The following PABPN1L variants were observed in gnomAD, a reference collection of about 807,000 sequenced individuals.
The protein encoded by PABPN1L is embryonic polyadenylate-binding protein 2.
In PABPN1L, 45 loss-of-function variants were observed where a neutral mutation model predicts 34.0. The ratio of observed to expected loss-of-function variants is 1.32; its 90% CI spans 1.04 to 1.70. The LOEUF (loss-of-function observed/expected upper bound fraction) is 1.70, where lower values mean the gene tolerates loss of function less well. Ranked by LOEUF, PABPN1L falls within the 40% of genes most tolerant of loss-of-function variation. PABPN1L has a pLI of 0.00. For missense variants in PABPN1L, 459 were observed against 367.8 expected (o/e 1.25, Z -2.03); for synonymous variants, 182 against 152.1 (o/e 1.20, Z -1.45).
At chr16:88,864,591 C>T (rs1189352122) in intron 5 of PABPN1L, among the ~76,000 whole-genome samples, 1 of 152,028 alleles carries the variant, frequency 6.6e-6, no homozygotes, top group Non-Finnish European at 1.5e-5. Context: ...ACGGCCAGCA[C>T]CCCTGCAGAG....
chr16:88,870,097 C>CT (rs1220991147), upstream of PABPN1L, among the ~76,000 whole-genome samples: 147 of 145,040 alleles, frequency 1.0e-3, 1 homozygote, highest in South Asian at 1.5e-3. Flanking sequence ...GTTTTCATTT[C>CT]TTTTTTTTTT....
Position 88,864,388 on chromosome 16 carries a change from A to G in PABPN1L, c.655-9T>C, listed in dbSNP as rs1316587414. The G allele has an allele frequency of 1.6e-5, 25 of 1,553,050 alleles. No homozygotes were observed. The highest frequency in any genetic ancestry group is 1.7e-5 in the Non-Finnish European group (20 of 1,148,134). ...GTTCTTTTCGGCAGCACCTGGAGCA[A>G]AGGCCTGTTTTGAGTCCTCCTCAAG... On this transcript the variant is annotated splice_polypyrimidine_tract_variant and intron_variant, in intron 5 of 6. Coordinates refer to ENST00000419291, the Ensembl canonical transcript of PABPN1L.
chr16:88,868,018 C>G (rs1968635450), upstream of PABPN1L, among the ~76,000 whole-genome samples: 1 of 152,178 alleles, frequency 6.6e-6, no homozygotes, highest in Non-Finnish European at 1.5e-5. Context: ...GAGAGAGAGA[C>G]AGGGCGTGGC....
intron 5 of PABPN1L, 128 bp from the exon 6 acceptor site, chr16:88,864,507 G>T (rs780166924): frequency 2.2e-6 from 3 of 1,348,614 alleles, no homozygotes; most frequent in African/African-American, 1.5e-5. Context: ...GGCCTACAGG[G>T]TTCCCTGCCT....
exon 4 of PABPN1L, chr16:88,865,064 CGGT>C (rs746625941): frequency 1.8e-5 from 29 of 1,597,178 alleles, no homozygotes; most frequent in East Asian, 4.6e-5. Context: ...GATCGTGACT[CGGT>C]GGACCTCCCC....
At chr16:88,866,434 T>C in exon 1 of PABPN1L, 1 of 1,551,568 alleles carries the variant, frequency 6.4e-7, no homozygotes, top group South Asian at 1.2e-5. Context: ...CTGGTCTTCC[T>C]CTGCATCCTC....
chr16:88,863,474 T>G, exon 7 of PABPN1L: 1 of 560,290 alleles, frequency 1.8e-6, no homozygotes, highest in Non-Finnish European at 3.2e-6. Context: ...ACTCTGCTCC[T>G]CCCCTCCCTC....
At chr16:88,863,393 C>T (rs1968492275) in exon 7 of PABPN1L, 2 of 401,846 alleles carry the variant, frequency 5.0e-6, no homozygotes, top group African/African-American at 2.0e-5. Context: ...ACACACGTTT[C>T]TATTTTTCTT....
In PABPN1L at chr16:88,864,874, G is replaced by C. The variant is rs370137202; in HGVS notation, c.633C>G (p.Leu211=). The change falls in exon 5 of 7, where the codon CTC becomes CTG. Residue 211 remains leucine, a synonymous_variant. Transcript: ENST00000419291. ...GCACCTTGATGACCCGGCCCCGGAA[G>C]AGGCTCTGGTCCAGCTCCACGGCGG... 21 of 1,607,542 alleles carry C rather than the reference G, an allele frequency of 1.3e-5. No individual in the cohort carries two copies. The East Asian group carries it at 4.5e-4, about 34-fold the overall frequency.
At chr16:88,869,436 C>T (rs940378238), upstream of PABPN1L, among the ~76,000 whole-genome samples, 2 of 152,228 alleles carry the variant, frequency 1.3e-5, no homozygotes, top group African/African-American at 4.8e-5. Context: ...CCTCCTCCCT[C>T]GAGAGCCGCT....
At chr16:88,864,542 C>T (rs1366512445) in intron 5 of PABPN1L, among the ~76,000 whole-genome samples, 163 bp from the exon 6 acceptor site, 2 of 145,982 alleles carry the variant, frequency 1.4e-5, no homozygotes, top group African/African-American at 5.3e-5. Flanking sequence ...TGTCATATGA[C>T]ACCCCGTCAC....
In PABPN1L at chr16:88,864,603, G is replaced by A. The variant is rs540340159; in HGVS notation, c.655-224C>T. The stretch of plus-strand genomic sequence containing the variant: ...GTCACGGCCAGCACCCCTGCAGAGG[G>A]GGGGGTCACGGCCAGCACCCCTGCA... On this transcript the variant is annotated intron_variant, in intron 5 of 6. Transcript: ENST00000419291. Among the ~76,000 whole-genome samples, 176 of 151,928 alleles carry A rather than the reference G, an allele frequency of 1.2e-3. 1 individual carries two copies. The highest frequency in any genetic ancestry group is 4.1e-3 in the African/African-American group (172 of 41,456).
upstream of PABPN1L, among the ~76,000 whole-genome samples, chr16:88,868,005 G>A (rs1027682427): frequency 2.0e-5 from 3 of 152,240 alleles, no homozygotes; most frequent in Admixed American, 1.3e-4. Flanking sequence ...GGGACTGGGG[G>A]AGGAGAGAGA....
At chr16:88,864,455 A>C in intron 5 of PABPN1L, 76 bp from the exon 6 acceptor site, 1 of 1,474,152 alleles carries the variant, frequency 6.8e-7, no homozygotes, top group Non-Finnish European at 9.0e-7. Context: ...AGCCCCCACC[A>C]CCCCGGAGCA....
In PABPN1L at chr16:88,865,642, A is replaced by G. The variant is rs369385897; in HGVS notation, c.392-12T>C. The G allele has an allele frequency of 2.5e-6, 4 of 1,602,096 alleles. No homozygotes were observed. The highest frequency in any genetic ancestry group is 3.4e-6 in the Non-Finnish European group (4 of 1,174,202). On this transcript the variant is annotated splice_polypyrimidine_tract_variant and intron_variant, in intron 2 of 6. Coordinates refer to ENST00000419291, the Ensembl canonical transcript of PABPN1L. ...AGAGAGGGGGCAGCCTGCGGAGAAC[A>G]CAGCTCAGGCCCGCAGGCCCTTGGT...
upstream of PABPN1L, chr16:88,866,658 C>T (rs1442712568): frequency 2.7e-6 from 4 of 1,480,646 alleles, no homozygotes; most frequent in African/African-American, 4.2e-5. Context: ...CTCCACTCCC[C>T]TCGCGTCCGC....
At chr16:88,865,242 C>T (rs1163593842) in intron 3 of PABPN1L, 114 bp from the exon 4 acceptor site, 3 of 1,117,636 alleles carry the variant, frequency 2.7e-6, no homozygotes, top group African/African-American at 1.6e-5. Context: ...GGGGATGGCC[C>T]CAGGCCTCCA....
upstream of PABPN1L, chr16:88,866,741 G>T: frequency 8.2e-7 from 1 of 1,224,154 alleles, no homozygotes. Context: ...ATTTGCAAAG[G>T]CTGAGTGGGG....
upstream of PABPN1L, among the ~76,000 whole-genome samples, chr16:88,867,777 C>T (rs1032187909): frequency 7.9e-5 from 12 of 152,240 alleles, no homozygotes; most frequent in African/African-American, 2.4e-5. Context: ...CCTGCCACCG[C>T]GGCTGCTGGA....
Sources: gnomAD v4.1 joint callset for allele counts (sites outside exome capture counted in the v4.1 genomes callset) on GRCh38, gnomAD v4.1.1 for gene constraint, MANE v1.5 for transcripts, NCBI Gene and HGNC (gene_info 2026-07-23, HGNC 2026-07-21) for gene names.